Variants in PPP1R3B observed in about 807,000 individuals in gnomAD.
PPP1R3B encodes protein phosphatase 1 regulatory subunit 3B.
A neutral mutation model predicts 14.6 loss-of-function variants in PPP1R3B; 8 were observed. The ratio of observed to expected loss-of-function variants is 0.55; its 90% CI spans 0.32 to 0.99. The LOEUF is 0.99. Ranked by LOEUF, PPP1R3B falls within the 50% of genes least tolerant of loss-of-function variation. The pLI, the probability that PPP1R3B is intolerant of heterozygous loss-of-function variation, is 0.04. For synonymous variants in PPP1R3B, 169 were observed against 142.0 expected (o/e 1.19, Z -1.35); for missense variants, 452 against 360.1 (o/e 1.26, Z -2.07).
intron 1 of PPP1R3B, among the ~76,000 whole-genome samples, chr8:9,143,316 G>A (rs999014568): frequency 4.0e-5 from 6 of 151,876 alleles, no homozygotes; most frequent in African/African-American, 1.4e-4. Flanking sequence ...CAGGCATCAA[G>A]CAAGATACTG....
upstream of PPP1R3B, chr8:9,151,436 G>A (rs1312037995): frequency 1.8e-5 from 3 of 164,592 alleles, no homozygotes; most frequent in Admixed American, 1.3e-4. Context: ...GTGACGGCAG[G>A]AGCTGGGCCC....
rs374674817 is a variant in PPP1R3B, at chr8:9,149,297, G to T, written c.-18+1266C>A. On this transcript the variant is annotated intron_variant, in intron 1 of 1. Coordinates refer to ENST00000310455, the MANE Select transcript of PPP1R3B (RefSeq NM_024607.4). Reference sequence around the variant, plus strand: ...GGGCAGATCACGAGGTCAGGAGATCGACACCATCCTGGCTAACACGGTGAA... The same window carrying T: ...GGGCAGATCACGAGGTCAGGAGATCTACACCATCCTGGCTAACACGGTGAA... Among the ~76,000 whole-genome samples the T allele has an allele frequency of 1.0e-3, 154 of 150,574 alleles. 4 individuals carry two copies. In the South Asian group the frequency reaches 0.029, roughly 29 times the overall value.
At chr8:9,141,763 CAA>C (rs530610875) in intron 1 of PPP1R3B, 95 bp from the exon 2 acceptor site, 244 of 1,236,450 alleles carry the variant, frequency 2.0e-4, no homozygotes, top group Non-Finnish European at 2.5e-4. Context: ...GACTGGCAAA[CAA>C]TATTTCCTTT....
At chr8:9,146,646 C>T (rs888878640) in intron 1 of PPP1R3B, among the ~76,000 whole-genome samples, 1 of 152,096 alleles carries the variant, frequency 6.6e-6, no homozygotes, top group African/African-American at 2.4e-5. Flanking sequence ...TAACTTATGG[C>T]CAGAATGCAG....
Position 9,141,493 on chromosome 8 carries a change from A to C in PPP1R3B, c.159T>G (p.Ala53=). 1 of 1,614,202 alleles carries C rather than the reference A, an allele frequency of 6.2e-7. No individual in the cohort carries two copies. The highest frequency in any genetic ancestry group is 1.1e-5 in the South Asian group (1 of 91,086). The change falls in exon 2 of 2, where the codon GCT becomes GCG. Residue 53 remains alanine (A), a synonymous_variant. Transcript: ENST00000310455. The part of the protein sequence containing the change: ...KNEASGMVAP[A]VQEKKVKKRV... ...GCTTTTTCACCTTCTTCTCCTGGAC[A>C]GCCGGGGCCACCATTCCACTGGCTT...
chr8:9,150,525 C>G (rs945577499), intron 1 of PPP1R3B, 38 bp downstream of exon 1: 9 of 152,528 alleles, frequency 5.9e-5, no homozygotes, highest in African/African-American at 1.9e-4. Flanking sequence ...CCGCCCCCAA[C>G]CTCCCTACAA....
Position 9,139,049 on chromosome 8 carries a change from G to C in PPP1R3B, c.*1745C>G, listed in dbSNP as rs1169372039. On this transcript the variant is annotated 3_prime_UTR_variant, in exon 2 of 2. Coordinates refer to ENST00000310455, the MANE Select transcript of PPP1R3B (RefSeq NM_024607.4). ...TTCTCCTGCCTCAGCCTCCCGAGTAGCTGGATTACAGGCGCCTGCCACCAC... is the reference window on the plus strand; with the variant it reads ...TTCTCCTGCCTCAGCCTCCCGAGTACCTGGATTACAGGCGCCTGCCACCAC... 1 of 152,222 alleles carries C rather than the reference G, an allele frequency of 6.6e-6. No individual in the cohort carries two copies. Among genetic ancestry groups the C allele is most frequent in the East Asian group, 1.9e-4 (1 of 5,192 alleles). 9.4% of individuals were successfully genotyped at this position (152,222 alleles called of 1,614,324 possible). A position where few individuals can be genotyped will look rare whatever the true frequency, so the allele number is the denominator to read the frequency against.
At position 9,139,757 on chromosome 8, in the gene PPP1R3B, G is replaced by C. The variant is rs1211671104; in HGVS notation, c.*1037C>G. 6.6e-6 allele frequency: 1 copy of C among 152,090 alleles called. No homozygotes were observed. Among genetic ancestry groups the C allele is most frequent in the Non-Finnish European group, 1.5e-5 (1 of 68,040 alleles). 9.4% of individuals were successfully genotyped at this position (152,090 alleles called of 1,614,324 possible). ...GTAGAGACAGGGTTTCACCGTGTTA[G>C]CCAGGATGGTCTCGATCTCCTGACC... On this transcript the variant is annotated 3_prime_UTR_variant, in exon 2 of 2. Transcript: ENST00000310455.
rs148178016 is a variant in PPP1R3B at position 9,138,874 on chromosome 8, G to T, written c.*1920C>A. On this transcript the variant is annotated 3_prime_UTR_variant, in exon 2 of 2. Transcript: ENST00000310455. ...GCACCCCTAAGTAAACACCAATCTT[G>T]CCCAAGAAAAATCACAGGTTTGGGG... 6.6e-6 allele frequency: 1 copy of T among 151,534 alleles called. No homozygotes were observed. 9.4% of individuals were successfully genotyped at this position (151,534 alleles called of 1,614,324 possible).
intron 1 of PPP1R3B, among the ~76,000 whole-genome samples, chr8:9,148,516 A>C (rs1465810781): frequency 6.6e-6 from 1 of 152,162 alleles, no homozygotes; most frequent in Non-Finnish European, 1.5e-5. Context: ...GAATTCTCAA[A>C]CACTTGCTTC....
intron 1 of PPP1R3B, among the ~76,000 whole-genome samples, chr8:9,147,298 G>C (rs1214547172): frequency 2.0e-5 from 3 of 152,242 alleles, no homozygotes; most frequent in Non-Finnish European, 4.4e-5. Context: ...ACCGTGCCCA[G>C]CCTTGTTTTT....
chr8:9,145,465 TAAG>T (rs1400583997), intron 1 of PPP1R3B: 1 of 152,232 alleles, frequency 6.6e-6, no homozygotes, highest in African/African-American at 2.4e-5. Flanking sequence ...TACTTTACTA[TAAG>T]AATACGGTAT....
At chr8:9,147,294 C>G (rs1240156179) in intron 1 of PPP1R3B, among the ~76,000 whole-genome samples, 1 of 152,170 alleles carries the variant, frequency 6.6e-6, no homozygotes, top group East Asian at 1.9e-4. Context: ...AGCCACCGTG[C>G]CCAGCCTTGT....
rs143219452 is a variant in PPP1R3B at position 9,142,667 on chromosome 8, C to T, written c.-17-999G>A. On this transcript the variant is annotated intron_variant, in intron 1 of 1. Transcript: ENST00000310455. ...ATCCTTTGGCCAAAGGATACCTCTC[C>T]AGTCCCTCTACCCTCACTTTCTGGT... Among the ~76,000 whole-genome samples the T allele has an allele frequency of 4.6e-3, 699 of 152,210 alleles. 2 individuals are homozygous for T. The highest frequency in any genetic ancestry group is 0.014 in the African/African-American group (600 of 41,518).
In PPP1R3B at chr8:9,141,459, A is replaced by G; in HGVS notation, c.193T>C (p.Phe65Leu). 6.2e-7 allele frequency: 1 copy of G among 1,614,156 alleles called. No homozygotes were observed. Among genetic ancestry groups the G allele is most frequent in the Non-Finnish European group, 8.5e-7 (1 of 1,180,022 alleles). The change falls in exon 2 of 2, where the codon TTC (phenylalanine) becomes CTC (leucine). Residue 65 changes from phenylalanine to leucine, a missense_variant. Phe to Leu is a conservative substitution (Grantham distance 22). Coordinates refer to ENST00000310455, the MANE Select transcript of PPP1R3B (RefSeq NM_024607.4). ...QEKKVKKRVS[F>L]ADNQGLALTM... is the part of the protein sequence containing the mutation. ...AGGGCCAGCCCCTGGTTGTCTGCGA[A>G]GGACACCCGCTTTTTCACCTTCTTC...
rs540636538 is a variant in PPP1R3B, at chr8:9,142,426, C to G, written c.-17-758G>C. 2.0e-5 allele frequency: 3 copies of G among 152,246 alleles called. No homozygotes were observed. In the South Asian group the frequency reaches 6.2e-4, roughly 32 times the overall value. The allele number at this position is 152,246 out of a possible 1,614,324, so 9.4% of individuals were successfully genotyped here. Reference sequence around the variant, plus strand: ...AATTGAGAAGTAAAAATTGTATATTCTTATGGTGTACAACAGGTTTCCATA... The same window carrying G: ...AATTGAGAAGTAAAAATTGTATATTGTTATGGTGTACAACAGGTTTCCATA... On this transcript the variant is annotated intron_variant, in intron 1 of 1. Transcript: ENST00000310455.
chr8:9,145,462 C>T (rs1801213087), intron 1 of PPP1R3B: 1 of 152,134 alleles, frequency 6.6e-6, no homozygotes, highest in South Asian at 2.1e-4. Flanking sequence ...GTTTACTTTA[C>T]TATAAGAATA....
rs1301193336 is a variant in PPP1R3B, at chr8:9,140,538, G to GCA, written c.*254_*255dup. ...TCCATACCCTTTCCAGCACAGACGTGCACAGACTCTCGTGGCTGCCACAGT... is the reference window on the plus strand; with the variant it reads ...TCCATACCCTTTCCAGCACAGACGTGCACACAGACTCTCGTGGCTGCCACAGT... On this transcript the variant is annotated 3_prime_UTR_variant, in exon 2 of 2. Transcript: ENST00000310455. 1.1e-5 allele frequency: 6 copies of GCA among 539,826 alleles called. No homozygotes were observed. The highest frequency in any genetic ancestry group is 2.0e-5 in the Non-Finnish European group (6 of 303,168). The allele number at this position is 539,826 out of a possible 1,614,324, so 33.4% of individuals were successfully genotyped here.
At chr8:9,144,902 C>T (rs1441338847) in intron 1 of PPP1R3B, among the ~76,000 whole-genome samples, 4 of 152,096 alleles carry the variant, frequency 2.6e-5, no homozygotes, top group South Asian at 2.1e-4. Context: ...TCTGCCACCA[C>T]GCCCAGCTAA....
Sources: gnomAD v4.1 joint callset for allele counts (sites outside exome capture counted in the v4.1 genomes callset) on GRCh38, gnomAD v4.1.1 for gene constraint, MANE v1.5 for transcripts, NCBI Gene and HGNC (gene_info 2026-07-23, HGNC 2026-07-21) for gene names.